The following UNC13C variants were observed in gnomAD, a reference collection of about 807,000 sequenced individuals.
UNC13C encodes the protein protein unc-13 homolog C.
A neutral mutation model predicts 245.4 loss-of-function variants in UNC13C; 174 were observed. That is an observed-to-expected ratio of 0.71 (90% CI 0.63 to 0.80). The LOEUF (loss-of-function observed/expected upper bound fraction) is 0.80. Ranked by LOEUF, UNC13C falls within the 30% of genes least tolerant of loss-of-function variation. The pLI, the probability that UNC13C is intolerant of heterozygous loss-of-function variation, is 0.00. For missense variants in UNC13C, 2,829 were observed against 2,602.9 expected, an observed-to-expected ratio of 1.09 and a Z score of -1.89; for synonymous variants, 992 against 895.1, an observed-to-expected ratio of 1.11 and a Z score of -1.93.
intron 30 of UNC13C, among the ~76,000 whole-genome samples, chr15:54,603,390 C>T (rs77578054): frequency 2.0e-5 from 3 of 152,068 alleles, no homozygotes; most frequent in Non-Finnish European, 4.4e-5. Context: ...AAGAACACAC[C>T]CTGTATAGTG....
chr15:54,482,553 G>T (rs1047816935), intron 19 of UNC13C, among the ~76,000 whole-genome samples: 1 of 137,446 alleles, frequency 7.3e-6, no homozygotes, highest in Middle Eastern at 3.4e-3. Context: ...ATCCTGAGGG[G>T]CCAGCTACTT....
chr15:54,091,079 G>A (rs1337279951), intron 2 of UNC13C, among the ~76,000 whole-genome samples: 1 of 150,828 alleles, frequency 6.6e-6, no homozygotes, highest in Admixed American at 6.6e-5. Flanking sequence ...GGGGGAGGGG[G>A]GTTGCCTCAG....
chr15:54,123,552 C>A (rs2030826394), intron 2 of UNC13C, among the ~76,000 whole-genome samples: 1 of 151,546 alleles, frequency 6.6e-6, no homozygotes, highest in Admixed American at 6.6e-5. Context: ...ATTTATTTTT[C>A]TTTTAACACT....
intron 1 of UNC13C, among the ~76,000 whole-genome samples, chr15:53,982,830 T>A (rs1311303632): frequency 6.6e-6 from 1 of 152,126 alleles, no homozygotes; most frequent in African/African-American, 2.4e-5. Context: ...GTTCCTCAAC[T>A]CAGAGATTCT....
chr15:54,354,566 C>T lies in UNC13C; in HGVS notation c.4713+16077C>T, dbSNP rs117316830. ...CATTGGAATGTGCTCTCTAATTAAA[C>T]TTGGCACTGACAGCCTATAAAAATT... is the stretch of plus-strand genomic sequence containing the variant. On this transcript the variant is annotated intron_variant, in intron 17 of 32. Coordinates refer to ENST00000260323, the MANE Select transcript of UNC13C (RefSeq NM_001080534.3). Among the ~76,000 whole-genome samples, 1,100 of 152,274 alleles carry T rather than the reference C, an allele frequency of 7.2e-3. 6 individuals are homozygous for T. The highest frequency in any genetic ancestry group is 0.014 in the Middle Eastern group (4 of 294).
At chr15:53,883,294 G>A in the UNC13C span, among the ~76,000 whole-genome samples, 9 of 152,134 alleles carry the variant, frequency 5.9e-5, no homozygotes, top group African/African-American at 1.9e-4. Flanking sequence ...TCAAAAATGC[G>A]GAATTGGTTT....
rs761330616 is a variant in UNC13C, at chr15:54,013,998, C to A, written c.1095C>A (p.His365Gln). The A allele has an allele frequency of 2.5e-6, 4 of 1,613,696 alleles. No homozygotes were observed. Among genetic ancestry groups the A allele is most frequent in the Non-Finnish European group, 3.4e-6 (4 of 1,179,804 alleles). ...IKIEFAQRIG[H>Q]QRDCPNAKPR... The stretch of plus-strand genomic sequence containing the variant: ...TTGAATTTGCTCAGAGGATAGGACA[C>A]CAGAGAGACTGCCCAAATGCAAAGC... The change falls in exon 2 of 33, where the codon CAC (histidine) becomes CAA (glutamine). Residue 365 changes from histidine (H) to glutamine (Q), a missense_variant. By Grantham distance (24) the His-to-Gln change is conservative. Transcript: ENST00000260323.
At chr15:54,002,062 G>A (rs1422053647) in intron 1 of UNC13C, among the ~76,000 whole-genome samples, 1 of 152,226 alleles carries the variant, frequency 6.6e-6, no homozygotes, top group Non-Finnish European at 1.5e-5. Flanking sequence ...CGAGGCGGGT[G>A]GATCACGAAG....
chr15:54,012,326 C>T (rs1895416976), intron 1 of UNC13C, among the ~76,000 whole-genome samples: 1 of 152,050 alleles, frequency 6.6e-6, no homozygotes, highest in South Asian at 2.1e-4. Context: ...GTAGAAATGA[C>T]TTTATGAAGT....
intron 4 of UNC13C, among the ~76,000 whole-genome samples, chr15:54,160,004 C>G (rs1283809653): frequency 6.6e-6 from 1 of 152,006 alleles, no homozygotes; most frequent in Non-Finnish European, 1.5e-5. Context: ...CAAAGGCATT[C>G]AAGCCATGAG....
At chr15:53,958,246 C>T in the UNC13C span, among the ~76,000 whole-genome samples, 1 of 152,170 alleles carries the variant, frequency 6.6e-6, no homozygotes, top group African/African-American at 2.4e-5. Context: ...GAAATTTGGA[C>T]AGCTCTAGAG....
intron 2 of UNC13C, among the ~76,000 whole-genome samples, chr15:54,072,979 C>A (rs1294133518): frequency 6.6e-6 from 1 of 151,952 alleles, no homozygotes; most frequent in Non-Finnish European, 1.5e-5. Flanking sequence ...TTTGCTGCAC[C>A]CATTAACGCA....
chr15:54,480,966 C>G (rs1893072590), intron 19 of UNC13C, among the ~76,000 whole-genome samples: 1 of 152,184 alleles, frequency 6.6e-6, no homozygotes, highest in Non-Finnish European at 1.5e-5. Context: ...TATAGATGCA[C>G]TAGCTGTAGG....
chr15:54,396,160 T>A (rs1567237294), intron 18 of UNC13C, among the ~76,000 whole-genome samples: 1 of 151,740 alleles, frequency 6.6e-6, no homozygotes, highest in Non-Finnish European at 1.5e-5. Flanking sequence ...TTTGAATAGT[T>A]CTGGCATATG....
intron 30 of UNC13C, among the ~76,000 whole-genome samples, chr15:54,610,725 A>T (rs778334545): frequency 6.6e-6 from 1 of 152,194 alleles, no homozygotes; most frequent in Non-Finnish European, 1.5e-5. Flanking sequence ...CAGATGTGAG[A>T]TTTGAGATTA....
intron 2 of UNC13C, chr15:54,049,311 T>G: frequency 1.9e-6 from 1 of 520,858 alleles, no homozygotes; most frequent in Non-Finnish European, 3.8e-6. Flanking sequence ...TAAAGGGCCC[T>G]TCATATGAAT....
chr15:53,970,602 TCTTA>T, the UNC13C span, among the ~76,000 whole-genome samples: 20 of 152,108 alleles, frequency 1.3e-4, no homozygotes, highest in Non-Finnish European at 2.4e-4. Flanking sequence ...TACCACATGT[TCTTA>T]CTTATAAGTG....
intron 13 of UNC13C, among the ~76,000 whole-genome samples, chr15:54,301,352 G>A (rs180991803): frequency 4.7e-5 from 7 of 148,850 alleles, no homozygotes; most frequent in East Asian, 2.0e-4. Context: ...TGTTTGTTAC[G>A]TAGGTATACA....
At chr15:54,505,293 C>T (rs1414550756) in intron 22 of UNC13C, among the ~76,000 whole-genome samples, 1 of 152,182 alleles carries the variant, frequency 6.6e-6, no homozygotes, top group African/African-American at 2.4e-5. Context: ...CCGTCCATCA[C>T]AGCTTTTCTC....
Sources: allele counts gnomAD v4.1 joint callset (sites outside exome capture counted in the v4.1 genomes callset), GRCh38; gene constraint gnomAD v4.1.1; transcripts MANE v1.5; gene names NCBI Gene and HGNC (gene_info 2026-07-23, HGNC 2026-07-21).